CDIN1: variants seen among roughly 807,000 people sequenced by gnomAD.
CDIN1 encodes the protein CDAN1-interacting nuclease 1.
Under a neutral mutation model 45.3 loss-of-function variants are expected in CDIN1, and 33 were observed. The observed-to-expected ratio is 0.73, with a 90% CI of 0.55 to 0.97. The LOEUF is 0.97. Among genes scored for constraint, CDIN1 ranks in the 50% least tolerant of loss-of-function variants. CDIN1 has a pLI of 0.00. For synonymous variants in CDIN1, 118 were observed against 124.4 expected, an observed-to-expected ratio of 0.95 and a Z score of 0.34; for missense variants, 303 against 339.4, an observed-to-expected ratio of 0.89 and a Z score of 0.84.
chr15:36,725,596 A>G (rs1253144194), intron 10 of CDIN1, among the ~76,000 whole-genome samples: 1 of 152,168 alleles, frequency 6.6e-6, no homozygotes, highest in Non-Finnish European at 1.5e-5. Flanking sequence ...TTGTAGATAA[A>G]TTGAAGTAAT....
intron 1 of CDIN1, among the ~76,000 whole-genome samples, chr15:36,599,786 G>T (rs1013609976): frequency 6.6e-6 from 1 of 152,194 alleles, no homozygotes; most frequent in Non-Finnish European, 1.5e-5. Context: ...CTCCTCAGCT[G>T]TGCAGTGTAC....
intron 10 of CDIN1, among the ~76,000 whole-genome samples, chr15:36,789,621 C>G (rs957915972): frequency 2.0e-5 from 3 of 152,152 alleles, no homozygotes; most frequent in Non-Finnish European, 2.9e-5. Flanking sequence ...ATACTTATTA[C>G]AAAATAGCTA....
chr15:36,762,544 G>A (rs1196138219), intron 10 of CDIN1, among the ~76,000 whole-genome samples: 5 of 152,174 alleles, frequency 3.3e-5, no homozygotes, highest in African/African-American at 1.2e-4. Flanking sequence ...TGCACAACGT[G>A]CAGGTTAGTT....
chr15:36,691,613 A>G (rs2042253116), intron 5 of CDIN1, 72 bp from the exon 6 acceptor site: 1 of 942,378 alleles, frequency 1.1e-6, no homozygotes, highest in Non-Finnish European at 1.7e-6. Context: ...ATATGTAGAT[A>G]TATGTCACTC....
intron 5 of CDIN1, among the ~76,000 whole-genome samples, chr15:36,677,651 C>A (rs1238426192): frequency 6.6e-6 from 1 of 151,992 alleles, no homozygotes; most frequent in African/African-American, 2.4e-5. Context: ...ATCAAGTGCC[C>A]AATGATTGAT....
At chr15:36,788,392 A>G (rs906868582) in intron 10 of CDIN1, among the ~76,000 whole-genome samples, 2 of 151,938 alleles carry the variant, frequency 1.3e-5, no homozygotes, top group Non-Finnish European at 2.9e-5. Flanking sequence ...CCCGATAATT[A>G]TATTTTTAAA....
rs776590392 is a variant in CDIN1, at chr15:36,640,274, G to GT, written c.102-4003dup. Among the ~76,000 whole-genome samples the GT allele has an allele frequency of 9.2e-5, 14 of 152,106 alleles. 1 individual carries two copies. Among genetic ancestry groups the GT allele is most frequent in the Non-Finnish European group, 1.5e-4 (10 of 68,004 alleles). Reference sequence around the variant, plus strand: ...GGGCGTTGGGGGAGGTCAAGAGATTGTAGCTGCATTGCTTTTATAGAAAAT... The same window carrying GT: ...GGGCGTTGGGGGAGGTCAAGAGATTGTTAGCTGCATTGCTTTTATAGAAAAT... On this transcript the variant is annotated intron_variant, in intron 1 of 10. Coordinates refer to ENST00000566621, the MANE Select transcript of CDIN1 (RefSeq NM_001321759.2).
chr15:36,796,711 G>C (rs1286468003), intron 10 of CDIN1, among the ~76,000 whole-genome samples: 1 of 152,186 alleles, frequency 6.6e-6, no homozygotes, highest in Non-Finnish European at 1.5e-5. Flanking sequence ...CTCTGGAGCT[G>C]GACCAGTGTG....
intron 10 of CDIN1, among the ~76,000 whole-genome samples, chr15:36,728,097 A>T (rs1273229872): frequency 6.6e-6 from 1 of 152,214 alleles, no homozygotes; most frequent in African/African-American, 2.4e-5. Flanking sequence ...TATTCTTATG[A>T]TACACAGGTA....
chr15:36,776,431 A>AGTTC (rs2054219034), intron 10 of CDIN1, among the ~76,000 whole-genome samples: 2 of 151,702 alleles, frequency 1.3e-5, no homozygotes, highest in African/African-American at 4.8e-5. Flanking sequence ...TGGAGAGAAC[A>AGTTC]CTCCCTGGCC....
chr15:36,627,875 G>A (rs2140337601), intron 1 of CDIN1: 1 of 152,218 alleles, frequency 6.6e-6, no homozygotes, highest in South Asian at 2.1e-4. Flanking sequence ...CATCAGGGAG[G>A]TGGTCCCACA....
At chr15:36,612,168 T>C (rs1489828057) in intron 1 of CDIN1, among the ~76,000 whole-genome samples, 1 of 152,198 alleles carries the variant, frequency 6.6e-6, no homozygotes, top group East Asian at 1.9e-4. Flanking sequence ...TTCTGGCTAT[T>C]GCAGAGTAAG....
chr15:36,661,799 G>A (rs907936442), intron 5 of CDIN1, among the ~76,000 whole-genome samples: 11 of 152,036 alleles, frequency 7.2e-5, no homozygotes, highest in Non-Finnish European at 1.6e-4. Context: ...TCTACTAGGA[G>A]CATTATAGAA....
chr15:36,693,809 A>G (rs960040984), intron 7 of CDIN1, among the ~76,000 whole-genome samples: 3 of 152,174 alleles, frequency 2.0e-5, no homozygotes, highest in Admixed American at 6.5e-5. Flanking sequence ...AATAATAGGT[A>G]TTATTATAGA....
intron 8 of CDIN1, chr15:36,706,625 A>G (rs1344125313): frequency 1.3e-5 from 2 of 150,294 alleles, no homozygotes. Context: ...AAAAAAAAAC[A>G]AAAAAAAAGG....
chr15:36,650,339 CTATT>C (rs1473521554), intron 3 of CDIN1, among the ~76,000 whole-genome samples: 1 of 152,070 alleles, frequency 6.6e-6, no homozygotes, highest in East Asian at 1.9e-4. Context: ...CGAGCTGTGT[CTATT>C]TATATACAAC....
At chr15:36,766,378 T>C (rs1184593101) in intron 10 of CDIN1, among the ~76,000 whole-genome samples, 1 of 152,262 alleles carries the variant, frequency 6.6e-6, no homozygotes, top group Non-Finnish European at 1.5e-5. Flanking sequence ...GGAGTGCAGA[T>C]ATCTCTTCAA....
At chr15:36,599,960 T>A (rs1323458807) in intron 1 of CDIN1, among the ~76,000 whole-genome samples, 1 of 152,208 alleles carries the variant, frequency 6.6e-6, no homozygotes, top group Non-Finnish European at 1.5e-5. Flanking sequence ...CTGTCTAATG[T>A]CTGTGCTGGT....
chr15:36,770,837 T>G (rs1042889853), intron 10 of CDIN1, among the ~76,000 whole-genome samples: 1 of 152,202 alleles, frequency 6.6e-6, no homozygotes, highest in Non-Finnish European at 1.5e-5. Flanking sequence ...ACTAGAGCAG[T>G]GGCTCCCAAA....
Sources: gnomAD v4.1 joint callset for allele counts (sites outside exome capture counted in the v4.1 genomes callset) on GRCh38, gnomAD v4.1.1 for gene constraint, MANE v1.5 for transcripts, NCBI Gene and HGNC (gene_info 2026-07-23, HGNC 2026-07-21) for gene names.